SEPTIN14: variants seen among roughly 807,000 people sequenced by gnomAD.
The protein encoded by SEPTIN14 is septin 14, also known as septin-14.
SEPTIN14 carries 40 observed loss-of-function variants against 53.6 expected under a neutral mutation model. That is an observed-to-expected ratio of 0.75 (90% confidence interval 0.58 to 0.97). SEPTIN14 has a LOEUF of 0.97. Among genes scored for constraint, SEPTIN14 ranks in the 50% least tolerant of loss-of-function variants. The pLI, the probability that SEPTIN14 is intolerant of heterozygous loss-of-function variation, is 0.00. For missense variants in SEPTIN14, 471 were observed against 508.2 expected (o/e 0.93, Z 0.70); for synonymous variants, 138 against 166.8 (o/e 0.83, Z 1.33).
chr7:55,825,643 T>TA (rs1788969445), intron 6 of SEPTIN14, among the ~76,000 whole-genome samples: 1 of 152,054 alleles, frequency 6.6e-6, no homozygotes, highest in Non-Finnish European at 1.5e-5. Flanking sequence ...ATAAAACTAC[T>TA]AAAAAAACAT....
At position 55,842,886 on chromosome 7, in the gene SEPTIN14, C is replaced by T. The variant is rs989797583; in HGVS notation, c.558+56G>A. The stretch of plus-strand genomic sequence containing the variant: ...TCGCACCACTGCACTCCAGCCTGGG[C>T]GACAGAGGGAGACTCCGTCTCAAAA... On this transcript the variant is annotated intron_variant, in intron 5 of 9. Coordinates refer to ENST00000388975, the MANE Select transcript of SEPTIN14 (RefSeq NM_207366.3). 36 of 1,190,360 alleles carry T rather than the reference C, an allele frequency of 3.0e-5. No homozygotes were observed. In the Admixed American group the frequency reaches 5.7e-4, roughly 19 times the overall value. The allele number at this position is 1,190,360 out of a possible 1,614,324, so 73.7% of individuals were successfully genotyped here. A position where few individuals can be genotyped will look rare whatever the true frequency, so the allele number is the denominator to read the frequency against.
At chr7:55,800,994 T>C (rs1788514046) in intron 9 of SEPTIN14, among the ~76,000 whole-genome samples, 1 of 152,020 alleles carries the variant, frequency 6.6e-6, no homozygotes, top group Admixed American at 6.6e-5. Context: ...AATTAAAAAA[T>C]ATACATCTCT....
intron 2 of SEPTIN14, among the ~76,000 whole-genome samples, chr7:55,852,499 A>G (rs1003124560): frequency 1.3e-5 from 2 of 152,160 alleles, no homozygotes; most frequent in African/African-American, 4.8e-5. Context: ...AAAAGAATGA[A>G]AACAGACTCC....
intron 7 of SEPTIN14, among the ~76,000 whole-genome samples, chr7:55,807,945 C>A (rs1788636817): frequency 6.6e-6 from 1 of 151,954 alleles, no homozygotes; most frequent in Admixed American, 6.6e-5. Flanking sequence ...GAGGTCAGTT[C>A]ATTAAAAAAA....
intron 7 of SEPTIN14, among the ~76,000 whole-genome samples, chr7:55,818,336 G>C (rs1788830038): frequency 6.6e-6 from 1 of 151,994 alleles, no homozygotes; most frequent in Admixed American, 6.6e-5. Context: ...GCCCGGTGTG[G>C]CGGCAAGCGC....
intron 1 of SEPTIN14, 135 bp from the exon 2 acceptor site, chr7:55,862,146 G>A (rs1789760236): frequency 6.7e-6 from 4 of 594,736 alleles, no homozygotes; most frequent in Non-Finnish European, 8.7e-6. Flanking sequence ...CTATTCATCT[G>A]TTTTAAACTG....
chr7:55,826,710 T>C (rs917999443), intron 6 of SEPTIN14, among the ~76,000 whole-genome samples: 2 of 151,594 alleles, frequency 1.3e-5, no homozygotes, highest in African/African-American at 2.4e-5. Flanking sequence ...GGCAGGAGAA[T>C]TGCTTGAACC....
At chr7:55,818,472 C>CAAAAAA (rs61089405) in intron 7 of SEPTIN14, among the ~76,000 whole-genome samples, 2 of 86,282 alleles carry the variant, frequency 2.3e-5, no homozygotes, top group Non-Finnish European at 4.5e-5. Context: ...AACTCTGTCT[C>CAAAAAA]AAAAAAAAAA....
chr7:55,811,234 G>T, intron 7 of SEPTIN14: 1 of 525,582 alleles, frequency 1.9e-6, no homozygotes, highest in Admixed American at 2.2e-5. Flanking sequence ...TTGGGGAGCC[G>T]CAGGATCTGG....
In SEPTIN14 at chr7:55,794,309, T is replaced by C. The variant is rs1035676791; in HGVS notation, c.*1604A>G. Reference sequence around the variant, plus strand: ...ATAACATTGGATTAAGATGAAAGAATGAGAAGATAAAGGTCCCTCAGCAAT... The same window carrying C: ...ATAACATTGGATTAAGATGAAAGAACGAGAAGATAAAGGTCCCTCAGCAAT... On this transcript the variant is annotated 3_prime_UTR_variant, in exon 10 of 10. Transcript: ENST00000388975. The C allele has an allele frequency of 6.6e-6, 1 of 152,178 alleles. No individual in the cohort carries two copies. Among genetic ancestry groups the C allele is most frequent in the African/African-American group, 2.4e-5 (1 of 41,450 alleles). 9.4% of individuals were successfully genotyped at this position (152,178 alleles called of 1,614,324 possible).
At chr7:55,812,795 T>C (rs1056835508) in intron 7 of SEPTIN14, among the ~76,000 whole-genome samples, 1 of 152,108 alleles carries the variant, frequency 6.6e-6, no homozygotes, top group African/African-American at 2.4e-5. Context: ...CATCTGACAT[T>C]CATCCCCCAG....
At chr7:55,856,205 TCTCATA>T (rs1201476260) in intron 2 of SEPTIN14, among the ~76,000 whole-genome samples, 1 of 151,958 alleles carries the variant, frequency 6.6e-6, no homozygotes, top group African/African-American at 2.4e-5. Flanking sequence ...ATGGCATGAG[TCTCATA>T]CTCATATGTC....
At chr7:55,860,628 T>C (rs1789727594) in intron 2 of SEPTIN14, among the ~76,000 whole-genome samples, 3 of 152,176 alleles carry the variant, frequency 2.0e-5, no homozygotes. Context: ...ATGCATATAA[T>C]AAAATATCAC....
At chr7:55,815,245 G>A (rs1359087495) in intron 7 of SEPTIN14, among the ~76,000 whole-genome samples, 2 of 152,108 alleles carry the variant, frequency 1.3e-5, no homozygotes, top group Non-Finnish European at 1.5e-5. Context: ...TACCCCACAA[G>A]CACAGGCAAC....
At chr7:55,797,078 G>A (rs571889563) in intron 9 of SEPTIN14, among the ~76,000 whole-genome samples, 21 of 151,980 alleles carry the variant, frequency 1.4e-4, no homozygotes, top group African/African-American at 3.9e-4. Flanking sequence ...AGCCGAGACC[G>A]TGCCATTGCA....
intron 6 of SEPTIN14, among the ~76,000 whole-genome samples, chr7:55,828,782 C>G (rs1789036216): frequency 1.3e-5 from 2 of 151,958 alleles, no homozygotes; most frequent in African/African-American, 2.4e-5. Flanking sequence ...CTTCAAGTTG[C>G]CTTTGGATAG....
intron 5 of SEPTIN14, among the ~76,000 whole-genome samples, chr7:55,835,516 T>C (rs1292318246): frequency 1.3e-5 from 2 of 152,142 alleles, no homozygotes; most frequent in Admixed American, 1.3e-4. Context: ...TAATTTATTT[T>C]CAATTTTATT....
intron 2 of SEPTIN14, among the ~76,000 whole-genome samples, chr7:55,859,517 A>G (rs761946699): frequency 6.6e-6 from 1 of 152,136 alleles, no homozygotes; most frequent in Middle Eastern, 3.2e-3. Context: ...TTGTAATATA[A>G]TTTTAAATCA....
chr7:55,819,385 C>T (rs1788853145), intron 6 of SEPTIN14, among the ~76,000 whole-genome samples, 162 bp from the exon 7 acceptor site: 2 of 152,090 alleles, frequency 1.3e-5, no homozygotes, highest in African/African-American at 4.8e-5. Context: ...GTCAGGAGAT[C>T]GAGACCATCC....
Sources: gnomAD v4.1 joint callset for allele counts (sites outside exome capture counted in the v4.1 genomes callset) on GRCh38, gnomAD v4.1.1 for gene constraint, MANE v1.5 for transcripts, NCBI Gene and HGNC (gene_info 2026-07-23, HGNC 2026-07-21) for gene names.